Variants in USP8 observed in about 807,000 individuals in gnomAD.
The protein encoded by USP8 is ubiquitin carboxyl-terminal hydrolase 8.
A neutral mutation model predicts 130.0 loss-of-function variants in USP8; 27 were observed. That is an observed-to-expected ratio of 0.21 (90% confidence interval 0.15 to 0.29). USP8 has a LOEUF of 0.29. USP8 is among the 10% of genes least tolerant of loss of function. The probability of loss-of-function intolerance (pLI) is 1.00; values close to 1 mark genes in which losing one functional copy is unlikely to be tolerated. For missense variants in USP8, 1,029 were observed against 1,312.2 expected (o/e 0.78, Z 3.33); for synonymous variants, 392 against 444.1 (o/e 0.88, Z 1.48).
In USP8 at chr15:50,482,044, A is replaced by G. The variant is rs1224244953; in HGVS notation, c.1782A>G (p.Thr594=). 6.6e-7 allele frequency: 1 copy of G among 1,509,352 alleles called. No individual in the cohort carries two copies. Among genetic ancestry groups the G allele is most frequent in the Non-Finnish European group, 8.8e-7 (1 of 1,135,090 alleles). 93.5% of individuals were successfully genotyped at this position (1,509,352 alleles called of 1,614,324 possible). A position where few individuals can be genotyped will look rare whatever the true frequency, so the allele number is the denominator to read the frequency against. Reference sequence around the variant, plus strand: ...GAGATGTGCCCCATACATCTGTGACAGGGGATTCAGGTTCAGGCAAGGTAA... The same window carrying G: ...GAGATGTGCCCCATACATCTGTGACGGGGGATTCAGGTTCAGGCAAGGTAA... ...STGDVPHTSV[T]GDSGSGKPFK... is the part of the protein sequence containing the mutation. Residue 594 remains threonine, a synonymous_variant, in exon 11 of 20, where the codon ACA becomes ACG. Transcript: ENST00000307179.
rs1461878218 is a variant in USP8, at chr15:50,476,981, G to A, written c.982G>A (p.Val328Met). ...TPPPRRQNEE[V>M]SISLDFTYPS... ...ACCCCCACGACGCCAGAATGAAGAG[G>A]TGTCTATCTCATGTATGTATGTGAA... Residue 328 changes from valine (V) to methionine (M), a missense_variant, in exon 9 of 20, where the codon GTG becomes ATG. Transcript: ENST00000307179. The A allele has an allele frequency of 3.7e-6, 6 of 1,606,068 alleles. No individual in the cohort carries two copies. Among genetic ancestry groups the A allele is most frequent in the South Asian group, 3.4e-5 (3 of 88,722 alleles).
At chr15:50,458,960 A>T in intron 4 of USP8, 40 bp from the exon 5 acceptor site, 1 of 1,608,272 alleles carries the variant, frequency 6.2e-7, no homozygotes, top group Non-Finnish European at 8.5e-7. Context: ...TCCACGATTA[A>T]CGCCAATAAA....
At chr15:50,435,135 AGTCT>A (rs1567598060) in intron 1 of USP8, among the ~76,000 whole-genome samples, 1 of 152,164 alleles carries the variant, frequency 6.6e-6, no homozygotes, top group African/African-American at 2.4e-5. Flanking sequence ...ATTTTATGTC[AGTCT>A]ATTTTCAGAT....
rs762359568 is a variant in USP8 at position 50,471,743 on chromosome 15, A to G, written c.797A>G (p.Lys266Arg). ...CTTCTTGACTGGTTTAGTTCTGCCA[A>G]AGATTTACAGATTGGAACAACTCTC... ...VVLLDWFSSA[K>R]DLQIGTTLRS... The change falls in exon 8 of 20, where the codon AAA becomes AGA. Residue 266 changes from lysine to arginine, a missense_variant. Lys to Arg is a conservative substitution (Grantham distance 26, BLOSUM62 2). Transcript: ENST00000307179. 5.0e-6 allele frequency: 8 copies of G among 1,613,972 alleles called. No homozygotes were observed. The highest frequency in any genetic ancestry group is 2.2e-5 in the East Asian group (1 of 44,872).
At chr15:50,479,744 T>C (rs1433154144) in intron 10 of USP8, among the ~76,000 whole-genome samples, 1 of 151,990 alleles carries the variant, frequency 6.6e-6, no homozygotes, top group Non-Finnish European at 1.5e-5. Context: ...TTTTCTACAC[T>C]AACCTCGTTT....
At position 50,442,115 on chromosome 15, in the gene USP8, C is replaced by T. The variant is rs151179906; in HGVS notation, c.249+622C>T. ...TCAGCCTCCCGAGTAACTGGGATTA[C>T]AGGCATGTGCCACCAAGCCTGGCTA... On this transcript the variant is annotated intron_variant, in intron 3 of 19. Transcript: ENST00000307179. Among the ~76,000 whole-genome samples the T allele has an allele frequency of 8.4e-3, 1,281 of 151,648 alleles. 9 individuals are homozygous for T. The highest frequency in any genetic ancestry group is 0.011 in the Non-Finnish European group (746 of 67,940).
chr15:50,439,008 G>T lies in USP8; in HGVS notation c.-65-1G>T. Reference sequence around the variant, plus strand: ...AGTATAATTATTTGTATTTGTTTCAGGAAAGAAGCACTTGTAAGGAAATAT... The same window carrying T: ...AGTATAATTATTTGTATTTGTTTCATGAAAGAAGCACTTGTAAGGAAATAT... On this transcript the variant is annotated splice_acceptor_variant, in intron 1 of 19. Coordinates refer to ENST00000307179, the MANE Select transcript of USP8 (RefSeq NM_005154.5). LOFTEE classifies it low-confidence loss of function (5UTR_SPLICE). 1 of 1,143,758 alleles carries T rather than the reference G, an allele frequency of 8.7e-7. No individual in the cohort carries two copies. Among genetic ancestry groups the T allele is most frequent in the South Asian group, 1.4e-5 (1 of 73,904 alleles). 70.9% of individuals were successfully genotyped at this position (1,143,758 alleles called of 1,614,324 possible).
At chr15:50,479,767 CTTTTTTTTTT>C (rs1160821990) in intron 10 of USP8, among the ~76,000 whole-genome samples, 5 of 147,830 alleles carry the variant, frequency 3.4e-5, no homozygotes, top group Non-Finnish European at 7.5e-5. Context: ...TTTTTCTTTT[CTTTTTTTTTT>C]GAAAACGGTC....
In USP8 at chr15:50,502,209, G is replaced by A. The variant is rs1218561578; in HGVS notation, c.*3121G>A. ...TGCAACCTCCGCCTCCCAGGTTCAA[G>A]CAATTCTTCTGCCTCAGCCTTCCAA... On this transcript the variant is annotated 3_prime_UTR_variant, in exon 20 of 20. Coordinates refer to ENST00000307179, the MANE Select transcript of USP8 (RefSeq NM_005154.5). The A allele has an allele frequency of 6.6e-6, 1 of 152,280 alleles. No individual in the cohort carries two copies. Among genetic ancestry groups the A allele is most frequent in the African/African-American group, 2.4e-5 (1 of 41,392 alleles). The allele number at this position is 152,280 out of a possible 1,614,324, so 9.4% of individuals were successfully genotyped here. A position where few individuals can be genotyped will look rare whatever the true frequency, so the allele number is the denominator to read the frequency against.
chr15:50,456,557 G>C (rs963431759), intron 4 of USP8, among the ~76,000 whole-genome samples: 1 of 144,926 alleles, frequency 6.9e-6, no homozygotes, highest in African/African-American at 2.5e-5. Flanking sequence ...CCAGGTGACA[G>C]TGTGAGACTC....
intron 6 of USP8, among the ~76,000 whole-genome samples, chr15:50,463,066 G>A (rs948502069): frequency 1.3e-5 from 2 of 152,074 alleles, no homozygotes; most frequent in Non-Finnish European, 2.9e-5. Flanking sequence ...TAGGTAACAT[G>A]GTGAAACCCC....
chr15:50,457,850 G>A (rs2050842706), intron 4 of USP8, among the ~76,000 whole-genome samples: 1 of 127,326 alleles, frequency 7.9e-6, no homozygotes, highest in Non-Finnish European at 1.6e-5. Context: ...GACAGAGCAA[G>A]ACTCTGTCTC....
intron 4 of USP8, among the ~76,000 whole-genome samples, chr15:50,455,619 C>G (rs955460522): frequency 6.6e-6 from 1 of 152,108 alleles, no homozygotes; most frequent in Non-Finnish European, 1.5e-5. Flanking sequence ...ACATTGTGAA[C>G]AATAAAATTA....
chr15:50,471,519 C>A, intron 7 of USP8, 114 bp from the exon 8 acceptor site: 1 of 1,128,186 alleles, frequency 8.9e-7, no homozygotes, highest in Non-Finnish European at 1.2e-6. Flanking sequence ...AAGGAATCTA[C>A]TTAAAATTTG....
In USP8 at chr15:50,508,305, TTAAAAA is replaced by T. The variant is rs1042571731; in HGVS notation, c.*9221_*9226del. ...GGATGCACTGATGTCTGAGAATGTCTTAAAAATAATACGATGCCAAGAAGAGAGTGG... is the reference window on the plus strand; with the variant it reads ...GGATGCACTGATGTCTGAGAATGTCTTAATACGATGCCAAGAAGAGAGTGG... On this transcript the variant is annotated 3_prime_UTR_variant, in exon 20 of 20. Transcript: ENST00000307179. The T allele has an allele frequency of 3.3e-5, 5 of 152,290 alleles. No homozygotes were observed. Among genetic ancestry groups the T allele is most frequent in the Admixed American group, 2.0e-4 (3 of 15,294 alleles). 9.4% of individuals were successfully genotyped at this position (152,290 alleles called of 1,614,324 possible).
intron 12 of USP8, among the ~76,000 whole-genome samples, chr15:50,488,975 G>C (rs78322340): frequency 6.6e-6 from 1 of 151,896 alleles, no homozygotes; most frequent in African/African-American, 2.4e-5. Flanking sequence ...TCTTGGCCTC[G>C]CAAAGTGCTG....
intron 7 of USP8, among the ~76,000 whole-genome samples, chr15:50,469,673 T>C (rs1157105445): frequency 1.3e-5 from 2 of 152,146 alleles, no homozygotes; most frequent in Non-Finnish European, 2.9e-5. Flanking sequence ...TTGGTTTTAC[T>C]TGTGGATAAA....
At chr15:50,483,646 T>C (rs1011122215) in intron 11 of USP8, among the ~76,000 whole-genome samples, 1 of 152,094 alleles carries the variant, frequency 6.6e-6, no homozygotes, top group African/African-American at 2.4e-5. Context: ...TATAAAAAAT[T>C]AGCCAGGTGT....
intron 3 of USP8, among the ~76,000 whole-genome samples, chr15:50,445,892 A>T (rs535215722): frequency 6.6e-6 from 1 of 152,128 alleles, no homozygotes; most frequent in South Asian, 2.1e-4. Context: ...TAGATAAAAC[A>T]TTAATTTAGC....
Sources: allele counts gnomAD v4.1 joint callset (sites outside exome capture counted in the v4.1 genomes callset), GRCh38; gene constraint gnomAD v4.1.1; transcripts MANE v1.5; gene names NCBI Gene and HGNC (gene_info 2026-07-23, HGNC 2026-07-21).